The following SNX29 variants were observed in gnomAD, a reference collection of about 807,000 sequenced individuals.
SNX29 encodes sorting nexin-29.
In SNX29, 78 loss-of-function variants were observed where a neutral mutation model predicts 102.1. The observed-to-expected ratio is 0.76, with a 90% CI of 0.64 to 0.92. The LOEUF is 0.92. Ranked by LOEUF, SNX29 falls within the 40% of genes least tolerant of loss-of-function variation. SNX29 has a pLI of 0.00. For missense variants in SNX29, 1,280 were observed against 1,061.7 expected, an observed-to-expected ratio of 1.21 and a Z score of -2.86; for synonymous variants, 580 against 414.5, an observed-to-expected ratio of 1.40 and a Z score of -4.85.
At chr16:12,232,766 T>G (rs2077808748) in intron 14 of SNX29, among the ~76,000 whole-genome samples, 1 of 152,144 alleles carries the variant, frequency 6.6e-6, no homozygotes, top group Non-Finnish European at 1.5e-5. Context: ...GGGCAGAAGA[T>G]GTCCCCTGAG....
Position 12,463,427 on chromosome 16 carries a change from G to A in SNX29, c.2038-14292G>A, listed in dbSNP as rs182711394. On this transcript the variant is annotated intron_variant, in intron 18 of 20. Coordinates refer to ENST00000566228, the MANE Select transcript of SNX29 (RefSeq NM_032167.5). ...TCACAATCATGGTTGAAGGCAAGGAGGAGCAACTCACATCTTACATGGATG... is the reference window on the plus strand; with the variant it reads ...TCACAATCATGGTTGAAGGCAAGGAAGAGCAACTCACATCTTACATGGATG... Among the ~76,000 whole-genome samples the A allele has an allele frequency of 3.2e-3, 492 of 152,330 alleles. 3 individuals carry two copies. Among genetic ancestry groups the A allele is most frequent in the Non-Finnish European group, 5.4e-3 (365 of 68,032 alleles).
intron 15 of SNX29, among the ~76,000 whole-genome samples, chr16:12,309,010 C>T (rs927446338): frequency 3.9e-5 from 6 of 152,142 alleles, no homozygotes; most frequent in African/African-American, 1.2e-4. Context: ...ACAAAGGAAA[C>T]CTCACTTTGA....
At chr16:12,535,676 C>T (rs958549101) in intron 20 of SNX29, among the ~76,000 whole-genome samples, 1 of 152,180 alleles carries the variant, frequency 6.6e-6, no homozygotes, top group South Asian at 2.1e-4. Flanking sequence ...CTGGGGCTTT[C>T]CAGGTCCTGC....
At chr16:12,523,470 G>A (rs571283076) in intron 19 of SNX29, among the ~76,000 whole-genome samples, 3 of 152,198 alleles carry the variant, frequency 2.0e-5, no homozygotes, top group African/African-American at 7.2e-5. Context: ...TCCCGGCCCC[G>A]ATGCTCACTG....
chr16:12,560,387 G>A lies in SNX29; in HGVS notation c.2319-8119G>A, dbSNP rs373558432. On this transcript the variant is annotated intron_variant, in intron 20 of 20. Transcript: ENST00000566228. ...ACAGGTTGTGCGCTCAGTATTTTGA[G>A]TTCTTTAATCCCCAAAAGCCACAGT... 2.7e-3 allele frequency among the ~76,000 whole-genome samples: 405 copies of A among 152,244 alleles called. 1 individual carries two copies. Among genetic ancestry groups the A allele is most frequent in the Middle Eastern group, 0.02 (6 of 294 alleles).
chr16:12,071,404 C>G (rs1309164354), intron 10 of SNX29, among the ~76,000 whole-genome samples: 1 of 152,102 alleles, frequency 6.6e-6, no homozygotes, highest in Non-Finnish European at 1.5e-5. Context: ...CCAGTTTTCC[C>G]AGCACCATTT....
intron 19 of SNX29, among the ~76,000 whole-genome samples, chr16:12,498,355 C>A (rs1247752709): frequency 6.6e-6 from 1 of 151,928 alleles, no homozygotes; most frequent in Admixed American, 6.6e-5. Flanking sequence ...GAATTTTATC[C>A]TGAAAGCAAA....
intron 10 of SNX29, among the ~76,000 whole-genome samples, chr16:12,072,446 T>C (rs2051345930): frequency 2.6e-5 from 4 of 152,196 alleles, no homozygotes; most frequent in Admixed American, 1.3e-4. Flanking sequence ...TTGTCTTTGG[T>C]TCTGTTTATA....
At chr16:12,166,760 G>C (rs2056045637) in intron 13 of SNX29, among the ~76,000 whole-genome samples, 1 of 152,206 alleles carries the variant, frequency 6.6e-6, no homozygotes, top group African/African-American at 2.4e-5. Context: ...AGTTGGGTGT[G>C]TGTGGCTGTT....
chr16:12,528,570 C>T (rs575121073), intron 20 of SNX29, among the ~76,000 whole-genome samples: 2 of 152,172 alleles, frequency 1.3e-5, no homozygotes, highest in Non-Finnish European at 2.9e-5. Context: ...TTGGATGCCC[C>T]GTGTCCACTG....
intron 14 of SNX29, among the ~76,000 whole-genome samples, chr16:12,270,329 CAA>C (rs1380465134): frequency 6.6e-6 from 1 of 152,206 alleles, no homozygotes; most frequent in Non-Finnish European, 1.5e-5. Flanking sequence ...GGGGGATGTG[CAA>C]AGAGTGTAGA....
At position 12,356,988 on chromosome 16, in the gene SNX29, C is replaced by A. The variant is rs978801038; in HGVS notation, c.1899+709C>A. 1.2e-4 allele frequency among the ~76,000 whole-genome samples: 19 copies of A among 152,216 alleles called. 1 individual carries two copies. The highest frequency in any genetic ancestry group is 4.4e-5 in the Non-Finnish European group (3 of 68,048). On this transcript the variant is annotated intron_variant, in intron 16 of 20. Coordinates refer to ENST00000566228, the MANE Select transcript of SNX29 (RefSeq NM_032167.5). ...CCTACTTGCTTGGTTCTGTAGTTCT[C>A]TGTTGAATGAAATAGCACAATATTT...
intron 14 of SNX29, among the ~76,000 whole-genome samples, chr16:12,200,214 C>G (rs1242547649): frequency 1.3e-5 from 2 of 152,074 alleles, no homozygotes; most frequent in Admixed American, 1.3e-4. Context: ...AGAATAAATG[C>G]TGAATAAATT....
Position 12,574,101 on chromosome 16 carries a change from TTAACTACCCTCTTATGTTAAGGTTTACA to T in SNX29, c.*5476_*5503del, listed in dbSNP as rs2079243296. The T allele has an allele frequency of 5.3e-6, 1 of 187,406 alleles. No individual in the cohort carries two copies. Among genetic ancestry groups the T allele is most frequent in the Non-Finnish European group, 1.1e-5 (1 of 88,874 alleles). 11.6% of individuals were successfully genotyped at this position (187,406 alleles called of 1,614,324 possible). A position where few individuals can be genotyped will look rare whatever the true frequency, so the allele number is the denominator to read the frequency against. On this transcript the variant is annotated 3_prime_UTR_variant, in exon 21 of 21. Coordinates refer to ENST00000566228, the MANE Select transcript of SNX29 (RefSeq NM_032167.5). ...ACGCCCTGAAACCTGTAGTATTATC[TTAACTACCCTCTTATGTTAAGGTTTACA>T]TAATAGGATTTTTAAACAAATGTGT...
chr16:12,552,764 T>C (rs888985949), intron 20 of SNX29, among the ~76,000 whole-genome samples: 1 of 152,222 alleles, frequency 6.6e-6, no homozygotes, highest in African/African-American at 2.4e-5. Context: ...ATTTAAGGTA[T>C]GAATTCATCT....
chr16:12,376,837 C>G (rs2082892710), intron 16 of SNX29, among the ~76,000 whole-genome samples: 1 of 151,448 alleles, frequency 6.6e-6, no homozygotes, highest in African/African-American at 2.4e-5. Flanking sequence ...TTTCCCTTCT[C>G]TTTCCTCTGT....
intron 13 of SNX29, among the ~76,000 whole-genome samples, chr16:12,198,796 T>G (rs1021617878): frequency 1.3e-5 from 2 of 152,260 alleles, no homozygotes; most frequent in African/African-American, 4.8e-5. Flanking sequence ...CAGGCTATTG[T>G]GCATTTTTCT....
rs1019346522 is a variant in SNX29 at position 12,008,207 on chromosome 16, G to A, written c.122+5164G>A. 7.2e-5 allele frequency among the ~76,000 whole-genome samples: 11 copies of A among 152,238 alleles called. No individual in the cohort carries two copies. In the East Asian group the frequency reaches 1.4e-3, roughly 19 times the overall value. ...GATCCGCCCGCCTCGGCCTCCCAAA[G>A]TGCTGGGATTACAGGCGTGAGCCAC... On this transcript the variant is annotated intron_variant, in intron 3 of 20. Coordinates refer to ENST00000566228, the MANE Select transcript of SNX29 (RefSeq NM_032167.5).
intron 1 of SNX29, among the ~76,000 whole-genome samples, chr16:11,998,243 G>T (rs373412273): frequency 6.6e-6 from 1 of 152,182 alleles, no homozygotes; most frequent in Admixed American, 6.5e-5. Context: ...ATCCTTTGAA[G>T]TGAATGTGCT....
Sources: gnomAD v4.1 joint callset for allele counts (sites outside exome capture counted in the v4.1 genomes callset) on GRCh38, gnomAD v4.1.1 for gene constraint, MANE v1.5 for transcripts, NCBI Gene and HGNC (gene_info 2026-07-23, HGNC 2026-07-21) for gene names.